ACAD11: variants seen among roughly 807,000 people sequenced by gnomAD.
ACAD11 encodes acyl-CoA dehydrogenase family member 11.
Under a neutral mutation model 102.2 loss-of-function variants are expected in ACAD11, and 83 were observed. The observed-to-expected ratio is 0.81, with a 90% CI of 0.68 to 0.97. ACAD11 has a LOEUF of 0.97. Among genes scored for constraint, ACAD11 ranks in the 50% least tolerant of loss-of-function variants. The probability of loss-of-function intolerance (pLI) is 0.00; values close to 1 mark genes in which losing one functional copy is unlikely to be tolerated. For synonymous variants in ACAD11, 324 were observed against 319.8 expected, an observed-to-expected ratio of 1.01 and a Z score of -0.14; for missense variants, 901 against 951.7, an observed-to-expected ratio of 0.95 and a Z score of 0.70.
chr3:132,611,111 A>C (rs992787191), intron 11 of ACAD11, among the ~76,000 whole-genome samples: 2 of 152,194 alleles, frequency 1.3e-5, no homozygotes, highest in Non-Finnish European at 2.9e-5. Context: ...AAACAGAACC[A>C]AAAACAAAAA....
chr3:132,578,977 T>C (rs758215556), intron 14 of ACAD11, 96 bp from the exon 15 acceptor site: 4 of 1,558,246 alleles, frequency 2.6e-6, no homozygotes, highest in African/African-American at 2.7e-5. Context: ...GATGTTTTCA[T>C]GTAGTCATGT....
At chr3:132,620,704 A>G (rs1939573496) in intron 9 of ACAD11, among the ~76,000 whole-genome samples, 1 of 152,270 alleles carries the variant, frequency 6.6e-6, no homozygotes, top group Non-Finnish European at 1.5e-5. Flanking sequence ...AGAATTGAAT[A>G]AAATCTAAGG....
At chr3:132,624,811 C>T (rs1245165755) in intron 9 of ACAD11, among the ~76,000 whole-genome samples, 4 of 151,566 alleles carry the variant, frequency 2.6e-5, no homozygotes, top group African/African-American at 9.7e-5. Flanking sequence ...CTCAGCCTCC[C>T]GAGTAGCTGG....
At chr3:132,623,090 T>C (rs968516369) in intron 9 of ACAD11, among the ~76,000 whole-genome samples, 5 of 152,234 alleles carry the variant, frequency 3.3e-5, no homozygotes, top group Non-Finnish European at 7.3e-5. Context: ...GAATTGGCTT[T>C]TAATATTTTC....
At chr3:132,561,593 A>G (rs1937058363) in intron 17 of ACAD11, among the ~76,000 whole-genome samples, 1 of 152,212 alleles carries the variant, frequency 6.6e-6, no homozygotes, top group Non-Finnish European at 1.5e-5. Context: ...GGCTAAATGT[A>G]TGGTAGTGAA....
chr3:132,579,185 T>G, intron 14 of ACAD11: 1 of 839,874 alleles, frequency 1.2e-6, no homozygotes, highest in Non-Finnish European at 1.7e-6. Context: ...GATCTAAACA[T>G]CTAATCACTT....
intron 11 of ACAD11, among the ~76,000 whole-genome samples, chr3:132,612,127 G>A (rs1019530513): frequency 2.0e-5 from 3 of 151,976 alleles, no homozygotes; most frequent in African/African-American, 7.3e-5. Context: ...AATGGGGAAA[G>A]GATTCCCTAT....
At chr3:132,575,742 C>G (rs368056881) in intron 17 of ACAD11, 30 bp downstream of exon 17, 166 of 1,612,300 alleles carry the variant, frequency 1.0e-4, no homozygotes, top group Non-Finnish European at 1.4e-4. Context: ...CACCGGGCTA[C>G]AATAAATTCA....
intron 13 of ACAD11, among the ~76,000 whole-genome samples, chr3:132,595,406 G>C (rs773072986): frequency 6.6e-6 from 1 of 152,094 alleles, no homozygotes; most frequent in African/African-American, 2.4e-5. Flanking sequence ...AGACTACTAT[G>C]AGAGTTCATG....
chr3:132,659,775 A>C lies in ACAD11; in HGVS notation c.-24T>G, dbSNP rs563055268. Reference sequence around the variant, plus strand: ...ATGATCACCCCCGCAGGCCACAGCAACGCGGCATCCACAGGTCTCGAGTGC... The same window carrying C: ...ATGATCACCCCCGCAGGCCACAGCACCGCGGCATCCACAGGTCTCGAGTGC... On this transcript the variant is annotated 5_prime_UTR_variant, in exon 1 of 20. Coordinates refer to ENST00000264990, the MANE Select transcript of ACAD11 (RefSeq NM_032169.5). 6.4e-7 allele frequency: 1 copy of C among 1,571,732 alleles called. No homozygotes were observed. Among genetic ancestry groups the C allele is most frequent in the Admixed American group, 1.9e-5 (1 of 53,770 alleles).
intron 12 of ACAD11, among the ~76,000 whole-genome samples, chr3:132,604,282 T>A (rs1375118332): frequency 6.6e-6 from 1 of 152,198 alleles, no homozygotes; most frequent in East Asian, 1.9e-4. Context: ...TTATTATTAG[T>A]TATTATTAAT....
At chr3:132,570,780 CG>C (rs1228068598) in intron 17 of ACAD11, among the ~76,000 whole-genome samples, 1 of 152,046 alleles carries the variant, frequency 6.6e-6, no homozygotes, top group Non-Finnish European at 1.5e-5. Context: ...TCTGTTCCTG[CG>C]TTAGTTGGCT....
chr3:132,612,549 T>C (rs1485524012), intron 11 of ACAD11, among the ~76,000 whole-genome samples: 1 of 151,824 alleles, frequency 6.6e-6, no homozygotes, highest in Non-Finnish European at 1.5e-5. Flanking sequence ...AACAACCCCA[T>C]CAACAAGTGG....
rs1164054902 is a variant in ACAD11 at position 132,641,929 on chromosome 3, T to C, written c.537+43A>G. The C allele has an allele frequency of 2.0e-6, 3 of 1,535,638 alleles. No homozygotes were observed. In the South Asian group the frequency reaches 3.8e-5, roughly 19 times the overall value. Reference sequence around the variant, plus strand: ...TTGTTGACTAATAAGGTATATTATTTACAAGAACTTGAAAAAAATAGCTAT... The same window carrying C: ...TTGTTGACTAATAAGGTATATTATTCACAAGAACTTGAAAAAAATAGCTAT... On this transcript the variant is annotated intron_variant, in intron 4 of 19. Coordinates refer to ENST00000264990, the MANE Select transcript of ACAD11 (RefSeq NM_032169.5).
At chr3:132,599,531 T>TA (rs1269318483) in intron 13 of ACAD11, among the ~76,000 whole-genome samples, 9 of 151,900 alleles carry the variant, frequency 5.9e-5, no homozygotes, top group African/African-American at 2.2e-4. Flanking sequence ...TATTAAATAT[T>TA]AAAAAAGAAA....
chr3:132,644,095 C>T (rs1390553537), intron 2 of ACAD11, among the ~76,000 whole-genome samples: 1 of 152,120 alleles, frequency 6.6e-6, no homozygotes, highest in Non-Finnish European at 1.5e-5. Context: ...ATAGAATCTA[C>T]ATTCTCTATT....
intron 11 of ACAD11, among the ~76,000 whole-genome samples, chr3:132,617,999 A>T (rs551775324): frequency 6.6e-6 from 1 of 152,310 alleles, no homozygotes; most frequent in East Asian, 1.9e-4. Context: ...CATTCTATTT[A>T]AAAATGTAAC....
intron 19 of ACAD11, 138 bp from the exon 20 acceptor site, chr3:132,559,223 C>A: frequency 1.5e-6 from 1 of 685,610 alleles, no homozygotes; most frequent in Non-Finnish European, 2.5e-6. Context: ...AAAAAGGGTA[C>A]CAGGAAAATA....
chr3:132,627,001 T>A, intron 8 of ACAD11, 184 bp from the exon 9 acceptor site: 1 of 539,608 alleles, frequency 1.9e-6, no homozygotes, highest in Non-Finnish European at 3.2e-6. Context: ...ACTTCCATTT[T>A]AAACATTTAA....
Sources: allele counts gnomAD v4.1 joint callset (sites outside exome capture counted in the v4.1 genomes callset), GRCh38; gene constraint gnomAD v4.1.1; transcripts MANE v1.5; gene names NCBI Gene and HGNC (gene_info 2026-07-23, HGNC 2026-07-21).